CCDC85A: variants seen among roughly 807,000 people sequenced by gnomAD.
CCDC85A encodes the protein coiled-coil domain-containing protein 85A.
CCDC85A carries 38 observed loss-of-function variants against 50.2 expected under a neutral mutation model. The ratio of observed to expected loss-of-function variants is 0.76; its 90% CI spans 0.58 to 0.99. CCDC85A has a LOEUF of 0.99. Ranked by LOEUF, CCDC85A falls within the 50% of genes least tolerant of loss-of-function variation. The probability of loss-of-function intolerance (pLI) is 0.00; values close to 1 mark genes in which losing one functional copy is unlikely to be tolerated. For synonymous variants in CCDC85A, 366 were observed against 301.4 expected (o/e 1.21, Z -2.22); for missense variants, 820 against 742.0 (o/e 1.11, Z -1.22).
At chr2:56,275,139 A>G (rs887814910) in intron 2 of CCDC85A, among the ~76,000 whole-genome samples, 7 of 152,068 alleles carry the variant, frequency 4.6e-5, no homozygotes, top group African/African-American at 9.7e-5. Context: ...TCGGGGGGGA[A>G]TTATTCAGTT....
At position 56,385,439 on chromosome 2, in the gene CCDC85A, A is replaced by G. The variant is rs1467328178; in HGVS notation, c.*1084A>G. The G allele has an allele frequency of 6.6e-6, 1 of 152,202 alleles. No homozygotes were observed. The highest frequency in any genetic ancestry group is 1.5e-5 in the Non-Finnish European group (1 of 67,814). The allele number at this position is 152,202 out of a possible 1,614,324, so 9.4% of individuals were successfully genotyped here. A position where few individuals can be genotyped will look rare whatever the true frequency, so the allele number is the denominator to read the frequency against. ...GCTTAGTTTATTTCTTATTTTTGGT[A>G]TACATATACATATATATAACATTAG... On this transcript the variant is annotated 3_prime_UTR_variant, in exon 6 of 6. Transcript: ENST00000407595.
At chr2:56,289,988 C>T (rs1480611800) in intron 2 of CCDC85A, among the ~76,000 whole-genome samples, 1 of 152,084 alleles carries the variant, frequency 6.6e-6, no homozygotes, top group Non-Finnish European at 1.5e-5. Context: ...CCAGAGGGGT[C>T]GAGGTGGTGA....
intron 2 of CCDC85A, among the ~76,000 whole-genome samples, chr2:56,311,322 C>T (rs1442868095): frequency 6.6e-6 from 1 of 152,136 alleles, no homozygotes; most frequent in African/African-American, 2.4e-5. Context: ...GGTCTCAATG[C>T]CTCAACCTGT....
chr2:56,262,801 A>G (rs1290484807), intron 2 of CCDC85A, among the ~76,000 whole-genome samples: 1 of 152,260 alleles, frequency 6.6e-6, no homozygotes, highest in African/African-American at 2.4e-5. Flanking sequence ...TGTTCATATG[A>G]TGCCAGCACA....
chr2:56,202,262 A>T (rs1676777549), intron 2 of CCDC85A, among the ~76,000 whole-genome samples: 1 of 152,236 alleles, frequency 6.6e-6, no homozygotes, highest in African/African-American at 2.4e-5. Flanking sequence ...GAAACCTGTG[A>T]TTCAGCCAGA....
At chr2:56,349,391 GAT>G (rs1674792492) in intron 3 of CCDC85A, among the ~76,000 whole-genome samples, 1 of 152,116 alleles carries the variant, frequency 6.6e-6, no homozygotes, top group Non-Finnish European at 1.5e-5. Flanking sequence ...GAATAAAAGA[GAT>G]AATTAGATAT....
chr2:56,376,548 A>G (rs1676346036), intron 5 of CCDC85A, among the ~76,000 whole-genome samples: 1 of 152,162 alleles, frequency 6.6e-6, no homozygotes, highest in South Asian at 2.1e-4. Context: ...AAAATTGCCT[A>G]AAATTTGTCA....
At chr2:56,267,209 C>T (rs534787965) in intron 2 of CCDC85A, among the ~76,000 whole-genome samples, 2 of 152,168 alleles carry the variant, frequency 1.3e-5, no homozygotes, top group African/African-American at 4.8e-5. Flanking sequence ...TTCCACCCCC[C>T]AGACCCCACG....
intron 5 of CCDC85A, among the ~76,000 whole-genome samples, chr2:56,379,351 C>G (rs1472452965): frequency 6.6e-6 from 1 of 152,068 alleles, no homozygotes; most frequent in African/African-American, 2.4e-5. Flanking sequence ...CAGGCCATGT[C>G]TACATATCAT....
chr2:56,260,844 T>A (rs1269086217), intron 2 of CCDC85A, among the ~76,000 whole-genome samples: 1 of 152,238 alleles, frequency 6.6e-6, no homozygotes, highest in Admixed American at 6.5e-5. Flanking sequence ...GCTAACTGTC[T>A]TATTTAGCCA....
chr2:56,324,593 G>A (rs541732248), intron 2 of CCDC85A, among the ~76,000 whole-genome samples: 4 of 152,080 alleles, frequency 2.6e-5, no homozygotes, highest in African/African-American at 7.2e-5. Flanking sequence ...AACCATGTGG[G>A]ACCAGGTAGA....
intron 3 of CCDC85A, among the ~76,000 whole-genome samples, chr2:56,361,319 G>A (rs1032795310): frequency 6.6e-6 from 1 of 151,984 alleles, no homozygotes; most frequent in African/African-American, 2.4e-5. Flanking sequence ...GCTAGCATTG[G>A]CCATTCATTT....
chr2:56,302,107 T>C (rs1386386213), intron 2 of CCDC85A, among the ~76,000 whole-genome samples: 1 of 151,714 alleles, frequency 6.6e-6, no homozygotes, highest in East Asian at 1.9e-4. Context: ...AATACAAAAA[T>C]TACCCGGGCC....
Position 56,372,096 on chromosome 2 carries a change from G to A in CCDC85A, c.1318-248G>A, listed in dbSNP as rs1374597499. Among the ~76,000 whole-genome samples, 8 of 152,002 alleles carry A rather than the reference G, an allele frequency of 5.3e-5. No individual in the cohort carries two copies. The East Asian group carries it at 5.8e-4, about 11-fold the overall frequency. On this transcript the variant is annotated intron_variant, in intron 3 of 5. Coordinates refer to ENST00000407595, the MANE Select transcript of CCDC85A (RefSeq NM_001080433.2). ...TTTTTTCTGTAATTTTGACTTTATC[G>A]TCTACTTTTTGATAGAATTTATAAT...
At chr2:56,242,588 AC>A (rs1669310594) in intron 2 of CCDC85A, among the ~76,000 whole-genome samples, 1 of 152,148 alleles carries the variant, frequency 6.6e-6, no homozygotes, top group African/African-American at 2.4e-5. Context: ...CATGAGCCAA[AC>A]ACCTCCCACC....
chr2:56,306,762 A>G (rs1253830202), intron 2 of CCDC85A, among the ~76,000 whole-genome samples: 3 of 152,136 alleles, frequency 2.0e-5, no homozygotes, highest in Non-Finnish European at 4.4e-5. Flanking sequence ...AACCCCTACT[A>G]TGTGCCAGAC....
At chr2:56,370,506 C>A (rs1676016781) in intron 3 of CCDC85A, among the ~76,000 whole-genome samples, 1 of 152,020 alleles carries the variant, frequency 6.6e-6, no homozygotes, top group Non-Finnish European at 1.5e-5. Flanking sequence ...GTTTATTCTT[C>A]CACAAAGATC....
chr2:56,291,927 A>G (rs1388869276), intron 2 of CCDC85A, among the ~76,000 whole-genome samples: 2 of 152,102 alleles, frequency 1.3e-5, no homozygotes, highest in African/African-American at 4.8e-5. Flanking sequence ...CCCAGGTGAG[A>G]GATGGCAAAG....
chr2:56,195,861 G>A (rs1289447296), intron 2 of CCDC85A, among the ~76,000 whole-genome samples: 2 of 152,134 alleles, frequency 1.3e-5, no homozygotes, highest in Non-Finnish European at 2.9e-5. Flanking sequence ...CAAATGGGAA[G>A]TGTGTGTGCA....
Sources: allele counts gnomAD v4.1 joint callset (sites outside exome capture counted in the v4.1 genomes callset), GRCh38; gene constraint gnomAD v4.1.1; transcripts MANE v1.5; gene names NCBI Gene and HGNC (gene_info 2026-07-23, HGNC 2026-07-21).